The following AJAP1 variants were observed in gnomAD, a reference collection of about 807,000 sequenced individuals.
The protein encoded by AJAP1 is adherens junction-associated protein 1.
AJAP1 carries 5 observed loss-of-function variants against 35.0 expected under a neutral mutation model. That is an observed-to-expected ratio of 0.14 (90% CI 0.07 to 0.30). The LOEUF is 0.30. AJAP1 is among the 10% of genes least tolerant of loss of function. The probability of loss-of-function intolerance (pLI) is 1.00; values close to 1 mark genes in which losing one functional copy is unlikely to be tolerated. For synonymous variants in AJAP1, 284 were observed against 249.3 expected, an observed-to-expected ratio of 1.14 and a Z score of -1.31; for missense variants, 586 against 571.0, an observed-to-expected ratio of 1.03 and a Z score of -0.27.
intron 1 of AJAP1, among the ~76,000 whole-genome samples, chr1:4,700,318 A>T (rs578190648): frequency 6.6e-6 from 1 of 152,124 alleles, no homozygotes; most frequent in African/African-American, 2.4e-5. Context: ...TTAACCCGGG[A>T]TGTACCCTGG....
chr1:4,663,596 A>G (rs2100506388), intron 1 of AJAP1, among the ~76,000 whole-genome samples: 1 of 152,240 alleles, frequency 6.6e-6, no homozygotes, highest in South Asian at 2.1e-4. Context: ...TGGCGCCTGG[A>G]GGAGCTCCTG....
intron 1 of AJAP1, among the ~76,000 whole-genome samples, chr1:4,694,757 T>C (rs1639820487): frequency 6.6e-6 from 1 of 152,160 alleles, no homozygotes; most frequent in Non-Finnish European, 1.5e-5. Flanking sequence ...GGGTGGGACC[T>C]ACAGCCAGCA....
chr1:4,657,284 T>G (rs1400065341), intron 1 of AJAP1, among the ~76,000 whole-genome samples: 1 of 152,176 alleles, frequency 6.6e-6, no homozygotes, highest in Non-Finnish European at 1.5e-5. Context: ...GTTGGTTCTT[T>G]TGAAGTTTGA....
intron 2 of AJAP1, among the ~76,000 whole-genome samples, chr1:4,717,243 T>A (rs903339542): frequency 2.0e-5 from 3 of 152,224 alleles, no homozygotes; most frequent in Non-Finnish European, 4.4e-5. Flanking sequence ...ACTGTGGGAA[T>A]ACCTGGGGCA....
Position 4,711,936 on chromosome 1 carries a change from A to T in AJAP1, c.66A>T (p.Gly22=), listed in dbSNP as rs1640252308. Residue 22 remains glycine, a synonymous_variant, in exon 2 of 6, where the codon GGA becomes GGT. Transcript: ENST00000378191. ...TCCGCTGGCCGGGCCGCCCCCTCGG[A>T]AGCCATGCCTGGATACTGATAGCCA... The part of the protein sequence containing the change: ...MSIRWPGRPL[G]SHAWILIAMF... The T allele has an allele frequency of 1.9e-6, 3 of 1,538,954 alleles. No homozygotes were observed. The highest frequency in any genetic ancestry group is 2.6e-6 in the Non-Finnish European group (3 of 1,149,568).
chr1:4,688,348 A>C (rs1639656378), intron 1 of AJAP1, among the ~76,000 whole-genome samples: 1 of 152,202 alleles, frequency 6.6e-6, no homozygotes, highest in East Asian at 1.9e-4. Flanking sequence ...GGTGAAATGC[A>C]ACCTGTGAGA....
At chr1:4,773,901 G>A (rs1397208768) in intron 4 of AJAP1, among the ~76,000 whole-genome samples, 1 of 152,192 alleles carries the variant, frequency 6.6e-6, no homozygotes, top group South Asian at 2.1e-4. Context: ...GTGCTCTCGT[G>A]CCCTGGCATG....
In AJAP1 at chr1:4,720,053, G is replaced by A. The variant is rs1272961476; in HGVS notation, c.829+7354G>A. On this transcript the variant is annotated intron_variant, in intron 2 of 5. Coordinates refer to ENST00000378191, the MANE Select transcript of AJAP1 (RefSeq NM_018836.4). This position sits in a 1 kb window ranked among gnomAD's most constrained non-coding sequence, Gnocchi z 4.4. ...TTGTGGATGTCTAGCTTAAAAGGCT[G>A]CCCTGTGAATCCTGCTGGTAGAAAA... Among the ~76,000 whole-genome samples the A allele has an allele frequency of 1.3e-5, 2 of 152,178 alleles. No individual in the cohort carries two copies. Among genetic ancestry groups the A allele is most frequent in the African/African-American group, 4.8e-5 (2 of 41,448 alleles).
intron 5 of AJAP1, among the ~76,000 whole-genome samples, chr1:4,780,553 G>T (rs752463337): frequency 1.3e-5 from 2 of 151,918 alleles, no homozygotes; most frequent in Admixed American, 6.6e-5. Context: ...CTGGAGTAAG[G>T]CTACCAAGAG....
At chr1:4,672,398 G>A (rs1639269557) in intron 1 of AJAP1, among the ~76,000 whole-genome samples, 1 of 152,190 alleles carries the variant, frequency 6.6e-6, no homozygotes, top group Non-Finnish European at 1.5e-5. Flanking sequence ...GACTGGTTTT[G>A]CATACACTGT....
intron 4 of AJAP1, 142 bp from the exon 5 acceptor site, chr1:4,774,285 C>A: frequency 1.4e-6 from 1 of 704,784 alleles, no homozygotes; most frequent in Non-Finnish European, 2.5e-6. Flanking sequence ...GGGGGGTGGT[C>A]CCTTCCTGGC....
intron 5 of AJAP1, among the ~76,000 whole-genome samples, chr1:4,775,757 C>A (rs1171725336): frequency 6.6e-6 from 1 of 152,226 alleles, no homozygotes; most frequent in Non-Finnish European, 1.5e-5. Context: ...AACCGAGCTG[C>A]CCTGCAAGGG....
intron 2 of AJAP1, among the ~76,000 whole-genome samples, chr1:4,763,736 C>T (rs1641621469): frequency 6.6e-6 from 1 of 150,380 alleles, no homozygotes; most frequent in Non-Finnish European, 1.5e-5. Flanking sequence ...CCCTCTCTTT[C>T]TCTACGCCCT....
chr1:4,756,059 A>G (rs1570200981), intron 2 of AJAP1, among the ~76,000 whole-genome samples: 1 of 152,228 alleles, frequency 6.6e-6, no homozygotes, highest in East Asian at 1.9e-4. Flanking sequence ...GCATATGCAT[A>G]AGGAAGTGCC....
At chr1:4,759,626 A>G (rs200427567) in intron 2 of AJAP1, among the ~76,000 whole-genome samples, 1 of 152,130 alleles carries the variant, frequency 6.6e-6, no homozygotes, top group East Asian at 1.9e-4. Flanking sequence ...CCTTCCTTCC[A>G]TGGCTTCTCC....
intron 1 of AJAP1, among the ~76,000 whole-genome samples, chr1:4,681,551 G>A (rs1263944318): frequency 6.6e-6 from 1 of 152,240 alleles, no homozygotes; most frequent in African/African-American, 2.4e-5. Flanking sequence ...CATATTCCGG[G>A]CATTTCTGCT....
At chr1:4,781,886 G>A (rs1386214025) in intron 5 of AJAP1, among the ~76,000 whole-genome samples, 4 of 152,134 alleles carry the variant, frequency 2.6e-5, no homozygotes, top group Admixed American at 6.5e-5. Context: ...GAGCCGCCCC[G>A]TCTCAGCCTG....
At chr1:4,776,631 G>A (rs1641945786) in intron 5 of AJAP1, among the ~76,000 whole-genome samples, 1 of 152,190 alleles carries the variant, frequency 6.6e-6, no homozygotes, top group African/African-American at 2.4e-5. Context: ...CATCAGCCTG[G>A]TCCTCCCCTT....
intron 1 of AJAP1, among the ~76,000 whole-genome samples, chr1:4,689,820 C>T (rs572514042): frequency 1.3e-5 from 2 of 152,338 alleles, no homozygotes; most frequent in South Asian, 2.1e-4. Context: ...GAAACAGCCC[C>T]GCCAAGGCCG....
Sources: allele counts gnomAD v4.1 joint callset (sites outside exome capture counted in the v4.1 genomes callset), GRCh38; gene constraint gnomAD v4.1.1; non-coding constraint Gnocchi (gnomAD v3.1); transcripts MANE v1.5; gene names NCBI Gene and HGNC (gene_info 2026-07-23, HGNC 2026-07-21).